PTH1R: variants seen among roughly 807,000 people sequenced by gnomAD.
The protein encoded by PTH1R is parathyroid hormone/parathyroid hormone-related peptide receptor.
In PTH1R, 32 loss-of-function variants were observed where a neutral mutation model predicts 70.7. The ratio of observed to expected loss-of-function variants is 0.45; its 90% CI spans 0.34 to 0.61. The LOEUF (loss-of-function observed/expected upper bound fraction) is 0.61. Ranked by LOEUF, PTH1R falls within the 20% of genes least tolerant of loss-of-function variation. The pLI is 0.01. For synonymous variants in PTH1R, 329 were observed against 324.8 expected (o/e 1.01, Z -0.14); for missense variants, 626 against 792.5 (o/e 0.79, Z 2.52).
In PTH1R at chr3:46,903,577, G is replaced by A; in HGVS notation, c.1703G>A (p.Cys568Tyr). The A allele has an allele frequency of 6.2e-7, 1 of 1,613,744 alleles. No homozygotes were observed. ...PKDDGFLNGS[C>Y]SGLDEEASGP... ...GACGATGGGTTCCTCAACGGCTCCT[G>A]CTCAGGCCTGGACGAGGAGGCCTCT... Residue 568 changes from cysteine to tyrosine, a missense_variant, in exon 16 of 16, where the codon TGC becomes TAC. Cys to Tyr is a radical substitution (Grantham distance 194, BLOSUM62 -2). Around this residue, in one of 3 missense-constraint regions of PTH1R, gnomAD observed 495 missense variants for 638.7 expected, o/e 0.77. Transcript: ENST00000449590. This position sits in a 1 kb window ranked among gnomAD's most constrained non-coding sequence, Gnocchi z 4.4.
At chr3:46,894,362 G>T (rs1316786686) in intron 4 of PTH1R, among the ~76,000 whole-genome samples, 1 of 152,108 alleles carries the variant, frequency 6.6e-6, no homozygotes, top group East Asian at 1.9e-4. Flanking sequence ...GGTTCTGCAG[G>T]GGTTGAGGCT....
At chr3:46,880,568 C>T (rs1247174059) in intron 1 of PTH1R, among the ~76,000 whole-genome samples, 2 of 152,040 alleles carry the variant, frequency 1.3e-5, no homozygotes, top group African/African-American at 2.4e-5. Flanking sequence ...GGTGAAACCC[C>T]GTCTCTACCA....
At chr3:46,890,680 C>T (rs1005399150) in intron 3 of PTH1R, among the ~76,000 whole-genome samples, 3 of 151,848 alleles carry the variant, frequency 2.0e-5, no homozygotes, top group African/African-American at 7.3e-5. Context: ...TTGTATTTTT[C>T]AGTAGAGACA....
At position 46,883,758 on chromosome 3, in the gene PTH1R, C is replaced by A; in HGVS notation, c.75+124C>A. On this transcript the variant is annotated intron_variant, in intron 3 of 15. Transcript: ENST00000449590. This position sits in a 1 kb window ranked among gnomAD's most constrained non-coding sequence, Gnocchi z 6.4. ...TTCGAACTTTGGGTGAGAGTCCCCTCTGATCCAGGATCCTGGGTGCCTGCT... is the reference window on the plus strand; with the variant it reads ...TTCGAACTTTGGGTGAGAGTCCCCTATGATCCAGGATCCTGGGTGCCTGCT... 8.9e-7 allele frequency: 1 copy of A among 1,118,128 alleles called. No individual in the cohort carries two copies. Among genetic ancestry groups the A allele is most frequent in the Non-Finnish European group, 1.3e-6 (1 of 778,358 alleles). 69.3% of individuals were successfully genotyped at this position (1,118,128 alleles called of 1,614,324 possible).
intron 5 of PTH1R, among the ~76,000 whole-genome samples, chr3:46,897,118 G>A (rs1415475966): frequency 6.6e-6 from 1 of 152,214 alleles, no homozygotes; most frequent in African/African-American, 2.4e-5. Context: ...CCCAGCTGAG[G>A]GAGAGTTAGT....
At chr3:46,897,074 C>T (rs778223137) in intron 5 of PTH1R, among the ~76,000 whole-genome samples, 1 of 152,244 alleles carries the variant, frequency 6.6e-6, no homozygotes, top group Non-Finnish European at 1.5e-5. Context: ...GCCTCCTGTC[C>T]ATGATCCCAG....
chr3:46,891,882 T>C lies in PTH1R; in HGVS notation c.76-2025T>C, dbSNP rs1359366103. Among the ~76,000 whole-genome samples the C allele has an allele frequency of 6.6e-6, 1 of 151,922 alleles. No homozygotes were observed. Among genetic ancestry groups the C allele is most frequent in the African/African-American group, 2.4e-5 (1 of 41,326 alleles). On this transcript the variant is annotated intron_variant, in intron 3 of 15. Transcript: ENST00000449590. This position sits in a 1 kb window ranked among gnomAD's most constrained non-coding sequence, Gnocchi z 4.3. ...GTGTTGGTGTTAGTGACAGTAATGATGGTTATTGATGGAGGTACTAGCAGC... is the reference window on the plus strand; with the variant it reads ...GTGTTGGTGTTAGTGACAGTAATGACGGTTATTGATGGAGGTACTAGCAGC...
chr3:46,891,454 G>T lies in PTH1R; in HGVS notation c.76-2453G>T, dbSNP rs1261705094. ...GTCATATCAGTAGGCTGGTCTGTCT[G>T]TTGGGAGGCCCAGGGAGTCAGCAAG... On this transcript the variant is annotated intron_variant, in intron 3 of 15. Coordinates refer to ENST00000449590, the MANE Select transcript of PTH1R (RefSeq NM_000316.3). This position sits in a 1 kb window ranked among gnomAD's most constrained non-coding sequence, Gnocchi z 4.3. Among the ~76,000 whole-genome samples, 1 of 152,246 alleles carries T rather than the reference G, an allele frequency of 6.6e-6. No individual in the cohort carries two copies. The highest frequency in any genetic ancestry group is 2.4e-5 in the African/African-American group (1 of 41,458).
rs1330154982 is a variant in PTH1R, at chr3:46,903,629, A to G, written c.1755A>G (p.Leu585=). The change falls in exon 16 of 16, where the codon CTA becomes CTG. Residue 585 remains leucine, a synonymous_variant. Transcript: ENST00000449590. The surrounding 1 kb of genome is among the most constrained non-coding windows in gnomAD (Gnocchi z 4.4). ...GGCCTGAGCGGCCACCTGCCCTGCT[A>G]CAGGAAGAGTGGGAGACAGTCATGT... is the stretch of plus-strand genomic sequence containing the variant. ...ASGPERPPAL[L]QEEWETVM The G allele has an allele frequency of 6.2e-7, 1 of 1,611,814 alleles. No homozygotes were observed.
chr3:46,901,760 C>A lies in PTH1R; in HGVS notation c.1117-6C>A. On this transcript the variant is annotated splice_polypyrimidine_tract_variant and splice_region_variant and intron_variant, in intron 12 of 15. Coordinates refer to ENST00000449590, the MANE Select transcript of PTH1R (RefSeq NM_000316.3). The surrounding 1 kb of genome is among the most constrained non-coding windows in gnomAD (Gnocchi z 7.3). The stretch of plus-strand genomic sequence containing the variant: ...GCCTCCAGACGCAGCCCCCTCACTC[C>A]CACAGCTCAACTTCATCCTCTTCAT... The A allele has an allele frequency of 2.5e-6, 4 of 1,613,630 alleles. No individual in the cohort carries two copies. The highest frequency in any genetic ancestry group is 3.4e-6 in the Non-Finnish European group (4 of 1,179,548).
intron 9 of PTH1R, 103 bp from the exon 10 acceptor site, chr3:46,899,200 G>A (rs2031964225): frequency 6.6e-7 from 1 of 1,508,236 alleles, no homozygotes; most frequent in Admixed American, 1.7e-5. Context: ...TGGCCTGTTT[G>A]GCCGGCACCA....
At chr3:46,899,174 G>A (rs1350299063) in intron 9 of PTH1R, 129 bp from the exon 10 acceptor site, 1 of 1,281,744 alleles carries the variant, frequency 7.8e-7, no homozygotes, top group East Asian at 2.4e-5. Context: ...CCCCCCAAAC[G>A]AAGCCTGCCC....
rs1354981958 is a variant in PTH1R at position 46,896,531 on chromosome 3, A to G, written c.313+662A>G. On this transcript the variant is annotated intron_variant, in intron 5 of 15. Transcript: ENST00000449590. This position sits in a 1 kb window ranked among gnomAD's most constrained non-coding sequence, Gnocchi z 4.1. ...GTGGGCAGCAGATTCCAGATGGGCC[A>G]CATCTGGGAGGCTGTGGTCACCCTG... Among the ~76,000 whole-genome samples the G allele has an allele frequency of 1.3e-5, 2 of 152,210 alleles. No individual in the cohort carries two copies. Among genetic ancestry groups the G allele is most frequent in the East Asian group, 1.9e-4 (1 of 5,192 alleles).
At chr3:46,897,435 C>G (rs1220545551) in intron 5 of PTH1R, among the ~76,000 whole-genome samples, 1 of 152,200 alleles carries the variant, frequency 6.6e-6, no homozygotes, top group African/African-American at 2.4e-5. Flanking sequence ...CTGCAGGAAC[C>G]AACAACCACT....
intron 2 of PTH1R, chr3:46,881,957 A>G (rs1393862157): frequency 6.6e-6 from 1 of 151,618 alleles, no homozygotes; most frequent in African/African-American, 2.4e-5. Flanking sequence ...TGATCAAGGG[A>G]AAAAAAATTT....
rs2030722862 is a variant in PTH1R, at chr3:46,883,015, A to G, written c.-48-497A>G. ...GCCCCCTGCCCGGCCCTGACTCCCT[A>G]CGCCGAAAGTCGCGGAGCTAAAAAT... On this transcript the variant is annotated intron_variant, in intron 2 of 15. Coordinates refer to ENST00000449590, the MANE Select transcript of PTH1R (RefSeq NM_000316.3). The surrounding 1 kb of genome is among the most constrained non-coding windows in gnomAD (Gnocchi z 6.4). Among the ~76,000 whole-genome samples, 1 of 151,340 alleles carries G rather than the reference A, an allele frequency of 6.6e-6. No individual in the cohort carries two copies. Among genetic ancestry groups the G allele is most frequent in the South Asian group, 2.1e-4 (1 of 4,774 alleles).
In PTH1R at chr3:46,882,485, C is replaced by G. The variant is rs1461168097; in HGVS notation, c.-48-1027C>G. The G allele has an allele frequency of 6.6e-6, 1 of 151,250 alleles. No individual in the cohort carries two copies. Among genetic ancestry groups the G allele is most frequent in the Non-Finnish European group, 1.5e-5 (1 of 67,782 alleles). 9.4% of individuals were successfully genotyped at this position (151,250 alleles called of 1,614,324 possible). A position where few individuals can be genotyped will look rare whatever the true frequency, so the allele number is the denominator to read the frequency against. On this transcript the variant is annotated intron_variant, in intron 2 of 15. Transcript: ENST00000449590. The surrounding 1 kb of genome is among the most constrained non-coding windows in gnomAD (Gnocchi z 4.3). Reference sequence around the variant, plus strand: ...TCGGAGTAAGTCGGGGCTGGGGACCCGCGCCGAGGGGAAGTGGCCGGAGTC... The same window carrying G: ...TCGGAGTAAGTCGGGGCTGGGGACCGGCGCCGAGGGGAAGTGGCCGGAGTC...
At chr3:46,898,983 A>C in intron 9 of PTH1R, 126 bp downstream of exon 9, 1 of 758,298 alleles carries the variant, frequency 1.3e-6, no homozygotes. Context: ...TCAGCCACTC[A>C]AACCCGTCTT....
chr3:46,898,556 C>T (rs2031906842), intron 8 of PTH1R, 84 bp downstream of exon 8: 1 of 1,598,696 alleles, frequency 6.3e-7, no homozygotes, highest in South Asian at 1.1e-5. Flanking sequence ...TCCCTGCACC[C>T]ATCACCCCCG....
Sources: allele counts gnomAD v4.1 joint callset (sites outside exome capture counted in the v4.1 genomes callset), GRCh38; gene constraint gnomAD v4.1.1; regional missense constraint gnomAD v4.1.1; non-coding constraint Gnocchi (gnomAD v3.1); transcripts MANE v1.5; gene names NCBI Gene and HGNC (gene_info 2026-07-23, HGNC 2026-07-21).